Variants in EFL1 observed in about 807,000 individuals in gnomAD.
EFL1 encodes elongation factor like GTPase 1, also known as elongation factor-like GTPase 1.
EFL1 carries 76 observed loss-of-function variants against 126.7 expected under a neutral mutation model. The observed-to-expected ratio is 0.60, with a 90% CI of 0.50 to 0.73. The LOEUF is 0.73. Ranked by LOEUF, EFL1 falls within the 30% of genes least tolerant of loss-of-function variation. The pLI, the probability that EFL1 is intolerant of heterozygous loss-of-function variation, is 0.00. For missense variants in EFL1, 1,128 were observed against 1,343.2 expected (o/e 0.84, Z 2.50); for synonymous variants, 410 against 448.4 (o/e 0.91, Z 1.08).
chr15:82,202,271 C>A (rs2074476952), intron 15 of EFL1, among the ~76,000 whole-genome samples: 1 of 151,920 alleles, frequency 6.6e-6, no homozygotes, highest in East Asian at 1.9e-4. Flanking sequence ...GAAAAGTACT[C>A]TTTTCCTATT....
intron 18 of EFL1, among the ~76,000 whole-genome samples, chr15:82,142,686 C>T (rs1192006277): frequency 6.6e-6 from 1 of 152,162 alleles, no homozygotes; most frequent in Non-Finnish European, 1.5e-5. Context: ...AAGGCAGTAA[C>T]CCACCCCTTC....
intron 14 of EFL1, among the ~76,000 whole-genome samples, chr15:82,216,713 A>G (rs28883606): frequency 0.45 from 68,733 of 151,914 alleles, 18,191 homozygotes; most frequent in African/African-American, 0.74. Flanking sequence ...AAACATGAAA[A>G]GTAAAATATT....
chr15:82,164,622 G>A (rs1375081067), intron 15 of EFL1, among the ~76,000 whole-genome samples: 2 of 152,142 alleles, frequency 1.3e-5, no homozygotes, highest in Non-Finnish European at 2.9e-5. Flanking sequence ...AAGGGGCCAG[G>A]TGCAGTGGCT....
At chr15:82,145,226 C>T (rs117446398) in intron 18 of EFL1, among the ~76,000 whole-genome samples, 2,294 of 147,686 alleles carry the variant, frequency 0.016, 23 homozygotes, top group Middle Eastern at 0.027. Flanking sequence ...TAGCTTGAAC[C>T]GGGAAGGTGG....
intron 15 of EFL1, among the ~76,000 whole-genome samples, chr15:82,198,533 T>C (rs2074434246): frequency 6.6e-6 from 1 of 152,200 alleles, no homozygotes; most frequent in Non-Finnish European, 1.5e-5. Flanking sequence ...TCTGGACCTC[T>C]GGCTGTCTGA....
chr15:82,229,783 C>T (rs1214213954), intron 8 of EFL1, among the ~76,000 whole-genome samples: 1 of 152,162 alleles, frequency 6.6e-6, no homozygotes, highest in East Asian at 1.9e-4. Flanking sequence ...AATATCAAAA[C>T]ATTTGAAAAA....
At chr15:82,194,624 A>G (rs1473809433) in intron 15 of EFL1, among the ~76,000 whole-genome samples, 1 of 152,258 alleles carries the variant, frequency 6.6e-6, no homozygotes, top group Non-Finnish European at 1.5e-5. Context: ...GGGTGACCAC[A>G]TAGAACTTAT....
intron 15 of EFL1, among the ~76,000 whole-genome samples, chr15:82,180,991 G>C (rs1030262124): frequency 6.6e-6 from 1 of 152,138 alleles, no homozygotes; most frequent in Non-Finnish European, 1.5e-5. Flanking sequence ...GCCTCCTGAA[G>C]TGCTGGGATT....
At chr15:82,241,222 T>C (rs1172478668) in intron 5 of EFL1, 48 bp downstream of exon 5, 1 of 1,605,904 alleles carries the variant, frequency 6.2e-7, no homozygotes. Context: ...GTTCCCCCTC[T>C]TTCCTCACCC....
At chr15:82,164,388 T>C (rs982646412) in intron 15 of EFL1, among the ~76,000 whole-genome samples, 1 of 152,184 alleles carries the variant, frequency 6.6e-6, no homozygotes, top group Non-Finnish European at 1.5e-5. Flanking sequence ...CATCTGCATA[T>C]GAGTAAAGGG....
In EFL1 at chr15:82,240,555, T is replaced by C. The variant is rs1441937959; in HGVS notation, c.379A>G (p.Thr127Ala). ...CAAGCTTGTCGCAGAACTGCCTGTGTCTGATAAAAACAGAAAGAAAAATGT... is the reference window on the plus strand; with the variant it reads ...CAAGCTTGTCGCAGAACTGCCTGTGCCTGATAAAAACAGAAAGAAAAATGT... ...VDAVEGVCPQTQAVLRQAWLE... is the reference protein window; with the variant it reads ...VDAVEGVCPQAQAVLRQAWLE... Residue 127 changes from threonine to alanine, a missense_variant and splice_region_variant, in exon 6 of 20, where the codon ACA becomes GCA. Around this residue, in one of 6 missense-constraint regions of EFL1, gnomAD observed 118 missense variants for 188.1 expected, o/e 0.63. Coordinates refer to ENST00000268206, the MANE Select transcript of EFL1 (RefSeq NM_024580.6). The C allele has an allele frequency of 4.3e-6, 7 of 1,609,316 alleles. No individual in the cohort carries two copies. The highest frequency in any genetic ancestry group is 5.9e-6 in the Non-Finnish European group (7 of 1,178,860).
At chr15:82,144,478 C>T (rs1211858625) in intron 18 of EFL1, among the ~76,000 whole-genome samples, 1 of 152,126 alleles carries the variant, frequency 6.6e-6, no homozygotes, top group Non-Finnish European at 1.5e-5. Context: ...TTGCTAATCC[C>T]AATTTCTCAT....
intron 4 of EFL1, among the ~76,000 whole-genome samples, chr15:82,247,435 G>C (rs906974644): frequency 9.2e-5 from 14 of 152,072 alleles, no homozygotes; most frequent in Non-Finnish European, 1.6e-4. Flanking sequence ...CTAATGAACA[G>C]GAACCATCAC....
intron 15 of EFL1, among the ~76,000 whole-genome samples, chr15:82,202,077 G>T (rs2074474555): frequency 6.6e-6 from 1 of 152,146 alleles, no homozygotes; most frequent in African/African-American, 2.4e-5. Context: ...TATCACCTCT[G>T]CTATTTCAAA....
At chr15:82,138,609 T>C (rs573035571) in intron 19 of EFL1, 49 bp downstream of exon 19, 2 of 1,592,448 alleles carry the variant, frequency 1.3e-6, no homozygotes, top group African/African-American at 2.7e-5. Flanking sequence ...CTGTAGGGAA[T>C]GTATCCATAG....
intron 17 of EFL1, among the ~76,000 whole-genome samples, chr15:82,156,805 G>T (rs1046577833): frequency 2.6e-5 from 4 of 152,104 alleles, no homozygotes; most frequent in African/African-American, 9.7e-5. Context: ...CCATTACAGG[G>T]CAGTTTATAA....
At chr15:82,159,705 G>T (rs1259229731) in intron 16 of EFL1, among the ~76,000 whole-genome samples, 1 of 152,088 alleles carries the variant, frequency 6.6e-6, no homozygotes, top group Non-Finnish European at 1.5e-5. Flanking sequence ...TCTAATTAGT[G>T]TAAGAAAAAT....
intron 4 of EFL1, among the ~76,000 whole-genome samples, chr15:82,249,026 T>C (rs1214584581): frequency 6.6e-6 from 1 of 152,100 alleles, no homozygotes; most frequent in Non-Finnish European, 1.5e-5. Context: ...TGCATACACA[T>C]ACAACTTGCA....
chr15:82,254,138 C>A (rs938535900), intron 3 of EFL1, among the ~76,000 whole-genome samples: 1 of 152,186 alleles, frequency 6.6e-6, no homozygotes, highest in Non-Finnish European at 1.5e-5. Context: ...TGACCTCTGG[C>A]GAAACGCAAT....
Sources: gnomAD v4.1 joint callset for allele counts (sites outside exome capture counted in the v4.1 genomes callset) on GRCh38, gnomAD v4.1.1 for gene constraint, gnomAD v4.1.1 regional missense constraint, MANE v1.5 for transcripts, NCBI Gene and HGNC (gene_info 2026-07-23, HGNC 2026-07-21) for gene names.